Variants in GLI3 observed in about 807,000 individuals in gnomAD.
GLI3 encodes the protein transcription activator GLI3.
GLI3 carries 20 observed loss-of-function variants against 100.8 expected under a neutral mutation model. The observed-to-expected ratio is 0.20, with a 90% CI of 0.14 to 0.29. The LOEUF (loss-of-function observed/expected upper bound fraction) is 0.29. Ranked by LOEUF, GLI3 falls within the 10% of genes least tolerant of loss-of-function variation. The probability of loss-of-function intolerance (pLI) is 1.00; values close to 1 mark genes in which losing one functional copy is unlikely to be tolerated. For missense variants in GLI3, 2,040 were observed against 2,128.5 expected, an observed-to-expected ratio of 0.96 and a Z score of 0.82; for synonymous variants, 938 against 860.5, an observed-to-expected ratio of 1.09 and a Z score of -1.58.
intron 2 of GLI3, chr7:42,149,923 T>G (rs992771142): frequency 1.3e-5 from 2 of 152,198 alleles, no homozygotes; most frequent in Non-Finnish European, 2.9e-5. Flanking sequence ...CAAATACTAT[T>G]TATGTTGACT....
At position 42,237,037 on chromosome 7, in the gene GLI3, G is replaced by C. The variant is rs1043482635; in HGVS notation, c.-109C>G. On this transcript the variant is annotated 5_prime_UTR_variant, in exon 1 of 15. Transcript: ENST00000395925. Reference sequence around the variant, plus strand: ...ACCCGCGGACGGGGCGCAGGCTGGCGGCTCCCCGCTCCGCGCGGCCGCGGG... The same window carrying C: ...ACCCGCGGACGGGGCGCAGGCTGGCCGCTCCCCGCTCCGCGCGGCCGCGGG... 4.7e-5 allele frequency: 7 copies of C among 149,946 alleles called. No individual in the cohort carries two copies. The highest frequency in any genetic ancestry group is 7.4e-5 in the Non-Finnish European group (5 of 67,332). 9.3% of individuals were successfully genotyped at this position (149,946 alleles called of 1,614,324 possible).
chr7:42,205,750 A>C (rs1250191701), intron 2 of GLI3, among the ~76,000 whole-genome samples: 2 of 152,208 alleles, frequency 1.3e-5, no homozygotes, highest in African/African-American at 4.8e-5. Context: ...GCCAACTGTT[A>C]TTTCCTACGT....
intron 3 of GLI3, among the ~76,000 whole-genome samples, chr7:42,137,848 A>G (rs962998130): frequency 6.6e-6 from 1 of 152,200 alleles, no homozygotes; most frequent in Admixed American, 6.5e-5. Flanking sequence ...AAATCGCCTT[A>G]AGACTGTGTG....
At chr7:42,153,105 G>A (rs1786915178) in intron 2 of GLI3, among the ~76,000 whole-genome samples, 1 of 152,140 alleles carries the variant, frequency 6.6e-6, no homozygotes, top group Non-Finnish European at 1.5e-5. Context: ...ACAGGCTAAT[G>A]GTGAATTGGG....
rs143817812 is a variant in GLI3, at chr7:42,155,596, A to G, written c.125-7128T>C. ...GCTTCCACTGGAAACCATTTGCTCC[A>G]AAGAGCAGCAGGTTAGAGCTCAAAC... On this transcript the variant is annotated intron_variant, in intron 2 of 14. Coordinates refer to ENST00000395925, the MANE Select transcript of GLI3 (RefSeq NM_000168.6). Among the ~76,000 whole-genome samples the G allele has an allele frequency of 6.4e-3, 970 of 152,302 alleles. 8 individuals are homozygous for G. Among genetic ancestry groups the G allele is most frequent in the South Asian group, 0.022 (105 of 4,814 alleles).
intron 10 of GLI3, among the ~76,000 whole-genome samples, chr7:42,017,004 G>T (rs1788783329): frequency 1.3e-5 from 2 of 152,182 alleles, no homozygotes; most frequent in South Asian, 4.1e-4. Flanking sequence ...GGGGCTGTGG[G>T]TACCACATGG....
At position 41,964,693 on chromosome 7, in the gene GLI3, G is replaced by A. The variant is rs761856178; in HGVS notation, c.4380C>T (p.Phe1460=). Residue 1460 remains phenylalanine (F), a synonymous_variant, in exon 15 of 15, where the codon TTC becomes TTT. Coordinates refer to ENST00000395925, the MANE Select transcript of GLI3 (RefSeq NM_000168.6). ...GCAGGCAGCTGGCGTCTGAAATAGA[G>A]AATGAACCAGCTTTCGTGTCTTGCT... is the stretch of plus-strand genomic sequence containing the variant. The part of the protein sequence containing the change: ...FSQQDTKAGS[F]SISDASCLLQ... The A allele has an allele frequency of 1.9e-6, 3 of 1,614,058 alleles. No individual in the cohort carries two copies. The highest frequency in any genetic ancestry group is 1.7e-6 in the Non-Finnish European group (2 of 1,179,998).
At chr7:41,980,981 C>A (rs1346573771) in intron 10 of GLI3, among the ~76,000 whole-genome samples, 1 of 152,188 alleles carries the variant, frequency 6.6e-6, no homozygotes, top group African/African-American at 2.4e-5. Context: ...GTAATGGGAT[C>A]ATAAGTCAGT....
At chr7:42,121,321 T>C (rs1178172604) in intron 3 of GLI3, among the ~76,000 whole-genome samples, 1 of 152,212 alleles carries the variant, frequency 6.6e-6, no homozygotes, top group Admixed American at 6.5e-5. Flanking sequence ...GCACAAGAAG[T>C]GCCATTTCTA....
intron 13 of GLI3, among the ~76,000 whole-genome samples, chr7:41,968,783 A>AGAAAAAGAAAGAAAGAAG (rs1562662160): frequency 2.7e-4 from 37 of 137,464 alleles, no homozygotes; most frequent in African/African-American, 9.7e-4. Context: ...AAAGAAAGAA[A>AGAAAAAGAAAGAAAGAAG]GAAAGAAAGA....
chr7:42,259,068 A>G (rs1163512587), intron 1 of GLI3, among the ~76,000 whole-genome samples: 2 of 152,210 alleles, frequency 1.3e-5, no homozygotes, highest in Admixed American at 6.5e-5. Context: ...TCACCTGTTA[A>G]CATTACAGAT....
At chr7:42,016,031 C>A (rs889275185) in intron 10 of GLI3, among the ~76,000 whole-genome samples, 1 of 152,024 alleles carries the variant, frequency 6.6e-6, no homozygotes, top group Admixed American at 6.6e-5. Flanking sequence ...GGAGGGAATG[C>A]GCAGGACAGC....
chr7:42,244,646 A>G (rs1788954885), intron 1 of GLI3, among the ~76,000 whole-genome samples: 1 of 152,184 alleles, frequency 6.6e-6, no homozygotes, highest in South Asian at 2.1e-4. Context: ...AGCCTGGATT[A>G]TCCAGATTCT....
chr7:42,020,742 T>C (rs1788911929), intron 10 of GLI3, among the ~76,000 whole-genome samples: 1 of 151,950 alleles, frequency 6.6e-6, no homozygotes, highest in Non-Finnish European at 1.5e-5. Flanking sequence ...TACAAAAAAT[T>C]AGCCGGGCGT....
At chr7:41,984,992 G>A (rs1231628871) in intron 10 of GLI3, among the ~76,000 whole-genome samples, 1 of 152,142 alleles carries the variant, frequency 6.6e-6, no homozygotes, top group East Asian at 1.9e-4. Flanking sequence ...ATAGAATAAG[G>A]GCTTAGAAAG....
chr7:42,228,183 C>T (rs969989597), intron 1 of GLI3, among the ~76,000 whole-genome samples: 2 of 152,100 alleles, frequency 1.3e-5, no homozygotes, highest in Admixed American at 1.3e-4. Flanking sequence ...CGGGGAAGTC[C>T]ACGCCGAGTT....
At chr7:42,132,369 G>T (rs983567415) in intron 3 of GLI3, among the ~76,000 whole-genome samples, 1 of 152,060 alleles carries the variant, frequency 6.6e-6, no homozygotes, top group Non-Finnish European at 1.5e-5. Flanking sequence ...CAAAGTGCTG[G>T]GATTACAGGC....
chr7:42,065,853 T>G (rs1784663436), intron 4 of GLI3, among the ~76,000 whole-genome samples: 1 of 152,170 alleles, frequency 6.6e-6, no homozygotes, highest in South Asian at 2.1e-4. Flanking sequence ...TAGTAGCCTC[T>G]TTCACTGATT....
At chr7:42,248,627 G>A (rs1261549293) in intron 1 of GLI3, among the ~76,000 whole-genome samples, 1 of 152,068 alleles carries the variant, frequency 6.6e-6, no homozygotes, top group Non-Finnish European at 1.5e-5. Flanking sequence ...AAGTTAAACA[G>A]GTACATGCTG....
Sources: gnomAD v4.1 joint callset for allele counts (sites outside exome capture counted in the v4.1 genomes callset) on GRCh38, gnomAD v4.1.1 for gene constraint, MANE v1.5 for transcripts, NCBI Gene and HGNC (gene_info 2026-07-23, HGNC 2026-07-21) for gene names.